The following VPS13B variants were observed in gnomAD, a reference collection of about 807,000 sequenced individuals.
The protein encoded by VPS13B is vacuolar protein sorting 13 homolog B, also known as intermembrane lipid transfer protein VPS13B.
Under a neutral mutation model 426.4 loss-of-function variants are expected in VPS13B, and 285 were observed. That is an observed-to-expected ratio of 0.67 (90% CI 0.61 to 0.74). The LOEUF (loss-of-function observed/expected upper bound fraction) is 0.74. VPS13B is among the 30% of genes least tolerant of loss of function. The pLI, the probability that VPS13B is intolerant of heterozygous loss-of-function variation, is 0.00. For synonymous variants in VPS13B, 1,676 were observed against 1,676.4 expected (o/e 1.00, Z 0.01); for missense variants, 4,537 against 4,782.6 (o/e 0.95, Z 1.51).
chr8:99,502,767 T>A (rs1040539955), intron 26 of VPS13B, 69 bp from the exon 27 acceptor site: 4 of 1,180,610 alleles, frequency 3.4e-6, no homozygotes, highest in African/African-American at 1.5e-5. Context: ...CAATGTGAAA[T>A]GTAAAATAGA....
In VPS13B at chr8:99,533,999, G is replaced by A. The variant is rs533831653; in HGVS notation, c.4745+12989G>A. 1.1e-3 allele frequency among the ~76,000 whole-genome samples: 163 copies of A among 152,098 alleles called. 1 individual carries two copies. The highest frequency in any genetic ancestry group is 1.9e-3 in the Non-Finnish European group (130 of 68,016). Reference sequence around the variant, plus strand: ...TTGGTTTTTGGCAAAGGTATGTTTCGTATCTGGTGACATTATGACCCTAAT... The same window carrying A: ...TTGGTTTTTGGCAAAGGTATGTTTCATATCTGGTGACATTATGACCCTAAT... On this transcript the variant is annotated intron_variant, in intron 30 of 61. Coordinates refer to ENST00000357162, the MANE Select transcript of VPS13B (RefSeq NM_152564.5).
rs772078846 is a variant in VPS13B, at chr8:99,467,490, C to T, written c.3522C>T (p.Cys1174=). ...YTLLGKQVTL[C]LVEPMGCTST... is the part of the protein sequence containing the mutation. ...TTCTTGGAAAACAAGTGACACTTTG[C>T]CTAGTGGAACCTATGGGTTGCACCT... The change falls in exon 24 of 62, where the codon TGC becomes TGT. Residue 1174 remains cysteine (C), a synonymous_variant. Transcript: ENST00000357162. 7.4e-6 allele frequency: 12 copies of T among 1,613,658 alleles called. No individual in the cohort carries two copies. Among genetic ancestry groups the T allele is most frequent in the Admixed American group, 1.7e-5 (1 of 59,952 alleles).
chr8:99,391,808 T>G (rs530684395), intron 21 of VPS13B, 104 bp downstream of exon 21: 475 of 1,419,736 alleles, frequency 3.3e-4, no homozygotes, highest in Non-Finnish European at 4.3e-4. Flanking sequence ...ATGAGACTCA[T>G]TGAGTGGAGA....
chr8:99,116,460 G>A (rs73281672), intron 7 of VPS13B, among the ~76,000 whole-genome samples: 19 of 152,178 alleles, frequency 1.2e-4, no homozygotes, highest in South Asian at 1.2e-3. Context: ...ATGAATGAGG[G>A]TTTTGCTCTG....
chr8:99,219,001 T>G (rs1216546617), intron 17 of VPS13B, among the ~76,000 whole-genome samples: 1 of 152,180 alleles, frequency 6.6e-6, no homozygotes, highest in Non-Finnish European at 1.5e-5. Context: ...ACACCTTGAT[T>G]CCAGTTGACC....
intron 19 of VPS13B, among the ~76,000 whole-genome samples, chr8:99,339,782 G>A (rs1176429745): frequency 6.6e-6 from 1 of 152,074 alleles, no homozygotes; most frequent in Non-Finnish European, 1.5e-5. Context: ...ACTGTTAGAA[G>A]CAAATGTATA....
chr8:99,061,434 G>C (rs1844185467), intron 3 of VPS13B, among the ~76,000 whole-genome samples: 1 of 151,072 alleles, frequency 6.6e-6, no homozygotes. Flanking sequence ...ATTATAGTGG[G>C]GTCTTACTAG....
In VPS13B at chr8:99,418,451, A is replaced by G. The variant is rs557137648; in HGVS notation, c.3083-13086A>G. On this transcript the variant is annotated intron_variant, in intron 21 of 61. Coordinates refer to ENST00000357162, the MANE Select transcript of VPS13B (RefSeq NM_152564.5). ...ATATATGAACAGTTAACACTTTATC[A>G]TAGTTTTCTTTCTTTCTTTCTTTCT... 2.1e-5 allele frequency among the ~76,000 whole-genome samples: 3 copies of G among 144,606 alleles called. No individual in the cohort carries two copies. In the South Asian group the frequency reaches 6.8e-4, roughly 33 times the overall value. The allele number at this position is 144,606 out of a possible 152,430, so 94.9% of individuals were successfully genotyped here.
At chr8:99,180,906 G>T (rs1812912864) in intron 16 of VPS13B, among the ~76,000 whole-genome samples, 1 of 152,134 alleles carries the variant, frequency 6.6e-6, no homozygotes. Context: ...TTTGTGTACT[G>T]TTAAATGAAT....
chr8:99,585,239 T>G (rs1263540910), intron 33 of VPS13B, among the ~76,000 whole-genome samples: 1 of 152,138 alleles, frequency 6.6e-6, no homozygotes, highest in East Asian at 1.9e-4. Flanking sequence ...CACTAAGAAG[T>G]GTATATTTTA....
chr8:99,465,405 G>GTTT (rs201727789), intron 23 of VPS13B, among the ~76,000 whole-genome samples: 6 of 133,632 alleles, frequency 4.5e-5, no homozygotes, highest in African/African-American at 1.4e-4. Flanking sequence ...ACCTTGAAAG[G>GTTT]TTTTTTTTTT....
intron 3 of VPS13B, among the ~76,000 whole-genome samples, chr8:99,044,250 A>C (rs991423909): frequency 1.3e-5 from 2 of 150,984 alleles, no homozygotes; most frequent in African/African-American, 4.9e-5. Flanking sequence ...CAACCAGCTA[A>C]TTTTTTGTAT....
At chr8:99,053,007 A>T (rs1320393678) in intron 3 of VPS13B, among the ~76,000 whole-genome samples, 4 of 151,818 alleles carry the variant, frequency 2.6e-5, no homozygotes, top group Non-Finnish European at 5.9e-5. Flanking sequence ...GATTTTTTGA[A>T]GGGTTTTTTG....
intron 22 of VPS13B, among the ~76,000 whole-genome samples, chr8:99,436,986 G>T (rs1000785511): frequency 6.6e-6 from 1 of 151,962 alleles, no homozygotes; most frequent in Non-Finnish European, 1.5e-5. Flanking sequence ...TGATCCACCC[G>T]CCTCGGCCTC....
chr8:99,209,662 C>A, intron 17 of VPS13B: 2 of 816,314 alleles, frequency 2.5e-6, no homozygotes, highest in South Asian at 4.2e-5. Context: ...CCACCTCAAC[C>A]TCCTGAAGTG....
chr8:99,871,249 T>C (rs1454190237), intron 60 of VPS13B, 199 bp from the exon 61 acceptor site: 6 of 816,048 alleles, frequency 7.4e-6, no homozygotes, highest in Non-Finnish European at 9.7e-6. Context: ...AGGGAAATCT[T>C]TGTTCCCAGG....
chr8:99,474,372 G>C (rs1375697244), intron 24 of VPS13B, among the ~76,000 whole-genome samples: 2 of 151,660 alleles, frequency 1.3e-5, no homozygotes, highest in Non-Finnish European at 2.9e-5. Flanking sequence ...TATTTTTGTA[G>C]AGACAGGGTT....
intron 17 of VPS13B, among the ~76,000 whole-genome samples, chr8:99,206,526 G>A (rs1022955743): frequency 8.5e-5 from 13 of 152,068 alleles, no homozygotes; most frequent in African/African-American, 1.7e-4. Context: ...TCTGTATGTC[G>A]TCAACATTGA....
At position 99,641,798 on chromosome 8, in the gene VPS13B, T is replaced by C; in HGVS notation, c.5221-13T>C. The C allele has an allele frequency of 1.9e-6, 3 of 1,602,986 alleles. No homozygotes were observed. The highest frequency in any genetic ancestry group is 2.6e-6 in the Non-Finnish European group (3 of 1,172,466). On this transcript the variant is annotated splice_polypyrimidine_tract_variant and intron_variant, in intron 33 of 61. Transcript: ENST00000357162. ...TAACTAGTTTGAAATATTTTATTAC[T>C]TTTTTCTTACAGATCTCTAAACAAG...
Sources: allele counts gnomAD v4.1 joint callset (sites outside exome capture counted in the v4.1 genomes callset), GRCh38; gene constraint gnomAD v4.1.1; transcripts MANE v1.5; gene names NCBI Gene and HGNC (gene_info 2026-07-23, HGNC 2026-07-21).